EIF3A: variants seen among roughly 807,000 people sequenced by gnomAD.
The protein encoded by EIF3A is eukaryotic translation initiation factor 3 subunit A.
Under a neutral mutation model 186.6 loss-of-function variants are expected in EIF3A, and 21 were observed. The observed-to-expected ratio is 0.11, with a 90% CI of 0.08 to 0.16. The LOEUF is 0.16. Ranked by LOEUF, EIF3A falls within the 10% of genes least tolerant of loss-of-function variation. EIF3A has a pLI of 1.00. For missense variants in EIF3A, 1,306 were observed against 1,796.3 expected (o/e 0.73, Z 4.93); for synonymous variants, 563 against 584.3 (o/e 0.96, Z 0.52).
intron 18 of EIF3A, among the ~76,000 whole-genome samples, chr10:119,043,563 C>T (rs889065596): frequency 1.3e-5 from 2 of 151,982 alleles, no homozygotes; most frequent in East Asian, 1.9e-4. Context: ...TGTAGTGAGC[C>T]GAGATCGCGC....
At chr10:119,051,688 C>A (rs573322508) in intron 14 of EIF3A, among the ~76,000 whole-genome samples, 1 of 152,230 alleles carries the variant, frequency 6.6e-6, no homozygotes, top group South Asian at 2.1e-4. Flanking sequence ...TTTTGGTTAT[C>A]CGATGCATAT....
intron 1 of EIF3A, among the ~76,000 whole-genome samples, chr10:119,075,781 T>C (rs1157205514): frequency 7.3e-6 from 1 of 137,888 alleles, no homozygotes; most frequent in Non-Finnish European, 1.5e-5. Context: ...TGGTGCAATC[T>C]CAGCTCACTG....
Position 119,065,431 on chromosome 10 carries a change from G to T in EIF3A, c.1090C>A (p.Pro364Thr). The change falls in exon 7 of 22, where the codon CCA becomes ACA. Residue 364 changes from proline (P) to threonine (T), a missense_variant. Coordinates refer to ENST00000369144, the MANE Select transcript of EIF3A (RefSeq NM_003750.4). ...TTAATAAGGCCAATTCGTGTCGGTG[G>T]GGCTTGAAGACCTAGTAGTGTTGCA... ...RLATLLGLQAPPTRIGLINDM... is the reference protein window; with the variant it reads ...RLATLLGLQATPTRIGLINDM... 6.2e-7 allele frequency: 1 copy of T among 1,613,290 alleles called. No homozygotes were observed. Among genetic ancestry groups the T allele is most frequent in the Non-Finnish European group, 8.5e-7 (1 of 1,179,628 alleles).
At chr10:119,041,284 GA>G (rs1315888730) in intron 19 of EIF3A, among the ~76,000 whole-genome samples, 1 of 152,162 alleles carries the variant, frequency 6.6e-6, no homozygotes, top group African/African-American at 2.4e-5. Context: ...GAAAAAAAAT[GA>G]GGCTGGGCGC....
intron 1 of EIF3A, among the ~76,000 whole-genome samples, chr10:119,078,528 T>A (rs1251421182): frequency 6.6e-6 from 1 of 152,142 alleles, no homozygotes; most frequent in Non-Finnish European, 1.5e-5. Flanking sequence ...TTCACTTATG[T>A]TTTGGAAGCA....
At chr10:119,080,267 C>A (rs1844242007) in intron 1 of EIF3A, 2 of 974,726 alleles carry the variant, frequency 2.1e-6, no homozygotes, top group Admixed American at 6.2e-5. Context: ...GGGACGCGGG[C>A]CCTAAGCAGA....
At position 119,050,005 on chromosome 10, in the gene EIF3A, A is replaced by C; in HGVS notation, c.2474-20T>G. Reference sequence around the variant, plus strand: ...CCCGCTCTAGACCATTGATTAGGTTACTAAGTGTGCCTCCCAGCCATATCT... The same window carrying C: ...CCCGCTCTAGACCATTGATTAGGTTCCTAAGTGTGCCTCCCAGCCATATCT... On this transcript the variant is annotated intron_variant, in intron 16 of 21. Transcript: ENST00000369144. 1 of 1,609,498 alleles carries C rather than the reference A, an allele frequency of 6.2e-7. No homozygotes were observed. The highest frequency in any genetic ancestry group is 8.5e-7 in the Non-Finnish European group (1 of 1,177,194).
At chr10:119,041,459 C>G (rs1848208551) in intron 19 of EIF3A, among the ~76,000 whole-genome samples, 1 of 152,086 alleles carries the variant, frequency 6.6e-6, no homozygotes, top group African/African-American at 2.4e-5. Flanking sequence ...GTAGTCCTAG[C>G]TACTCAGAAG....
At chr10:119,064,349 T>A (rs1247713034) in intron 7 of EIF3A, among the ~76,000 whole-genome samples, 6 of 152,206 alleles carry the variant, frequency 3.9e-5, no homozygotes, top group Non-Finnish European at 8.8e-5. Context: ...TGGATCTGTG[T>A]ACCCACCCAA....
At chr10:119,068,619 G>A (rs1024379461) in intron 6 of EIF3A, among the ~76,000 whole-genome samples, 2 of 151,690 alleles carry the variant, frequency 1.3e-5, no homozygotes, top group Non-Finnish European at 2.9e-5. Context: ...GAGTGAGATC[G>A]CATCATTGCA....
Position 119,044,141 on chromosome 10 carries a change from T to C in EIF3A, c.2660A>G (p.Asp887Gly). 6.2e-7 allele frequency: 1 copy of C among 1,608,172 alleles called. No homozygotes were observed. Among genetic ancestry groups the C allele is most frequent in the South Asian group, 1.1e-5 (1 of 90,912 alleles). The change falls in exon 18 of 22, where the codon GAC (aspartate) becomes GGC (glycine). Residue 887 changes from aspartate to glycine, a missense_variant and splice_region_variant. Physicochemically the swap from Asp to Gly is moderately conservative, Grantham distance 94. Transcript: ENST00000369144. ...TGAATCTCTATCTCCCCAACGAGAG[T>C]CCTCCATTGACAAAGTGAAAAAGAA... ...RLGDSSLSRK[D>G]SRWGDRDSEG...
In EIF3A at chr10:119,051,497, G is replaced by T. The variant is rs1848356184; in HGVS notation, c.2197-176C>A. On this transcript the variant is annotated intron_variant, in intron 14 of 21. Coordinates refer to ENST00000369144, the MANE Select transcript of EIF3A (RefSeq NM_003750.4). ...AATAGGTCCCCAGAAGGCAATTACG[G>T]GCAAGAGGTAGACAAAGTAATCCTG... Among the ~76,000 whole-genome samples the T allele has an allele frequency of 3.3e-5, 5 of 152,088 alleles. No homozygotes were observed. In the South Asian group the frequency reaches 8.3e-4, roughly 25 times the overall value.
intron 4 of EIF3A, among the ~76,000 whole-genome samples, chr10:119,071,795 G>A (rs1477494975): frequency 2.0e-5 from 3 of 152,100 alleles, no homozygotes; most frequent in Admixed American, 2.0e-4. Flanking sequence ...GGAGGCCGAG[G>A]TGGGTGGATC....
intron 6 of EIF3A, 52 bp from the exon 7 acceptor site, chr10:119,065,622 A>G: frequency 7.5e-7 from 1 of 1,330,176 alleles, no homozygotes; most frequent in Non-Finnish European, 1.1e-6. Flanking sequence ...ATACTTGGTA[A>G]GCAGAAAAGC....
chr10:119,071,264 C>T (rs1317965452), intron 4 of EIF3A, among the ~76,000 whole-genome samples, 179 bp from the exon 5 acceptor site: 1 of 152,034 alleles, frequency 6.6e-6, no homozygotes, highest in Admixed American at 6.6e-5. Context: ...TTGAGTGAGC[C>T]CTAACAAAAC....
intron 18 of EIF3A, 21 bp downstream of exon 18, chr10:119,044,033 A>G (rs1166529523): frequency 1.9e-6 from 3 of 1,569,364 alleles, no homozygotes; most frequent in Non-Finnish European, 2.6e-6. Context: ...GAGCGGCATT[A>G]TTTTCCTCAA....
chr10:119,060,662 C>A, intron 9 of EIF3A, 84 bp downstream of exon 9: 1 of 991,108 alleles, frequency 1.0e-6, no homozygotes, highest in Non-Finnish European at 1.5e-6. Context: ...TTCTCACTTC[C>A]TAGGCAGTTC....
chr10:119,073,970 G>C (rs374416188), intron 1 of EIF3A, 33 bp from the exon 2 acceptor site: 3 of 1,547,724 alleles, frequency 1.9e-6, no homozygotes, highest in Non-Finnish European at 2.6e-6. Context: ...AATTAGTTAT[G>C]TACACTATAC....
chr10:119,068,509 T>C (rs1292583440), intron 6 of EIF3A, among the ~76,000 whole-genome samples: 1 of 151,452 alleles, frequency 6.6e-6, no homozygotes, highest in African/African-American at 2.4e-5. Flanking sequence ...ACCCCATCTC[T>C]ACCAAAAATA....
Sources: allele counts gnomAD v4.1 joint callset (sites outside exome capture counted in the v4.1 genomes callset), GRCh38; gene constraint gnomAD v4.1.1; transcripts MANE v1.5; gene names NCBI Gene and HGNC (gene_info 2026-07-23, HGNC 2026-07-21).